The following ZBTB16 variants were observed in gnomAD, a reference collection of about 807,000 sequenced individuals.
The protein encoded by ZBTB16 is zinc finger and BTB domain containing 16.
Under a neutral mutation model 56.8 loss-of-function variants are expected in ZBTB16, and 8 were observed. The ratio of observed to expected loss-of-function variants is 0.14; its 90% CI spans 0.08 to 0.25. The LOEUF is 0.25. Ranked by LOEUF, ZBTB16 falls within the 10% of genes least tolerant of loss-of-function variation. The pLI is 1.00. For synonymous variants in ZBTB16, 363 were observed against 368.5 expected (o/e 0.98, Z 0.17); for missense variants, 625 against 903.0 (o/e 0.69, Z 3.95).
chr11:114,066,854 T>A (rs1565606123), intron 2 of ZBTB16, among the ~76,000 whole-genome samples: 1 of 147,366 alleles, frequency 6.8e-6, no homozygotes, highest in Non-Finnish European at 1.5e-5. Flanking sequence ...CACTGCAGTC[T>A]CCACCTCCCG....
At position 114,156,441 on chromosome 11, in the gene ZBTB16, A is replaced by G. The variant is rs373139030; in HGVS notation, c.1366+7A>G. 109 of 1,613,966 alleles carry G rather than the reference A, an allele frequency of 6.8e-5. No homozygotes were observed. Among genetic ancestry groups the G allele is most frequent in the Non-Finnish European group, 8.2e-5 (97 of 1,179,940 alleles). ...CACTTACTGGCTCATTCAGGTAGGC[A>G]AGTTCGCCTTAGTGGCCCGTTCAGA... On this transcript the variant is annotated splice_region_variant and intron_variant, in intron 3 of 6. Coordinates refer to ENST00000335953, the MANE Select transcript of ZBTB16 (RefSeq NM_006006.6).
intron 2 of ZBTB16, among the ~76,000 whole-genome samples, chr11:114,093,404 C>A (rs899547955): frequency 6.6e-6 from 1 of 152,082 alleles, no homozygotes; most frequent in Admixed American, 6.6e-5. Flanking sequence ...TTTTGTTCCC[C>A]GATTCCCCTC....
intron 3 of ZBTB16, among the ~76,000 whole-genome samples, chr11:114,165,789 G>T (rs1394011977): frequency 6.6e-6 from 1 of 152,154 alleles, no homozygotes; most frequent in Non-Finnish European, 1.5e-5. Context: ...ACTACTTAGT[G>T]GGGTGGCTCA....
At chr11:114,243,871 C>T (rs2135203151) in intron 5 of ZBTB16, among the ~76,000 whole-genome samples, 1 of 152,316 alleles carries the variant, frequency 6.6e-6, no homozygotes, top group East Asian at 1.9e-4. Flanking sequence ...GCCACCTTCT[C>T]AGAGCTCAGA....
intron 2 of ZBTB16, among the ~76,000 whole-genome samples, chr11:114,109,102 C>G (rs1940911689): frequency 6.6e-6 from 1 of 152,162 alleles, no homozygotes; most frequent in African/African-American, 2.4e-5. Flanking sequence ...GCTTTGGGGT[C>G]AGTCAGGTGG....
At chr11:114,154,613 G>C (rs575763760) in intron 2 of ZBTB16, among the ~76,000 whole-genome samples, 1 of 152,304 alleles carries the variant, frequency 6.6e-6, no homozygotes. Flanking sequence ...TCTATTTAGA[G>C]TTAAGAATGT....
intron 5 of ZBTB16, among the ~76,000 whole-genome samples, chr11:114,245,348 G>T (rs1944793400): frequency 6.6e-6 from 1 of 152,248 alleles, no homozygotes; most frequent in South Asian, 2.1e-4. Context: ...TGGTGTCAAG[G>T]CACGATGCCA....
chr11:114,075,470 T>C (rs1371243004), intron 2 of ZBTB16, among the ~76,000 whole-genome samples: 1 of 152,026 alleles, frequency 6.6e-6, no homozygotes, highest in African/African-American at 2.4e-5. Context: ...TTTTCTTTTT[T>C]TCTTGAGACA....
At chr11:114,186,715 G>A (rs185677854) in intron 3 of ZBTB16, among the ~76,000 whole-genome samples, 34 of 152,214 alleles carry the variant, frequency 2.2e-4, no homozygotes, top group African/African-American at 5.1e-4. Context: ...TATCTTGGTT[G>A]TTCTGATTTT....
chr11:114,185,633 C>T (rs1164697640), intron 3 of ZBTB16, among the ~76,000 whole-genome samples: 1 of 152,136 alleles, frequency 6.6e-6, no homozygotes, highest in African/African-American at 2.4e-5. Context: ...AACCACCTTG[C>T]GTCTTACAGT....
rs1316238297 is a variant in ZBTB16 at position 114,063,573 on chromosome 11, G to A, written c.273G>A (p.Thr91=). Residue 91 remains threonine (T), a synonymous_variant, in exon 2 of 7, where the codon ACG becomes ACA. Transcript: ENST00000335953. The surrounding 1 kb of genome is among the most constrained non-coding windows in gnomAD (Gnocchi z 6.5). ...QQILEYAYTA[T]LQAKAEDLDD... ...TTCTGGAGTATGCATATACAGCCAC[G>A]CTGCAAGCCAAGGCGGAGGACCTGG... 3 of 1,614,104 alleles carry A rather than the reference G, an allele frequency of 1.9e-6. No homozygotes were observed. Among genetic ancestry groups the A allele is most frequent in the East Asian group, 2.2e-5 (1 of 44,900 alleles).
chr11:114,093,338 G>C (rs1940260528), intron 2 of ZBTB16, among the ~76,000 whole-genome samples: 1 of 103,772 alleles, frequency 9.6e-6, no homozygotes, highest in South Asian at 3.0e-4. Context: ...CTGGGGGTGT[G>C]GAGGGGGGAT....
chr11:114,075,253 G>A (rs980157156), intron 2 of ZBTB16, among the ~76,000 whole-genome samples: 4 of 152,102 alleles, frequency 2.6e-5, no homozygotes, highest in Admixed American at 6.5e-5. Context: ...CTGTGTGACC[G>A]TGGCAAGATT....
At chr11:114,132,661 C>T (rs1011296997) in intron 2 of ZBTB16, among the ~76,000 whole-genome samples, 86 of 152,298 alleles carry the variant, frequency 5.6e-4, no homozygotes, top group African/African-American at 2.0e-3. Flanking sequence ...GATATTGTTC[C>T]ATTGTTAAGC....
chr11:114,157,162 G>C (rs1942437443), intron 3 of ZBTB16, among the ~76,000 whole-genome samples: 1 of 152,162 alleles, frequency 6.6e-6, no homozygotes, highest in African/African-American at 2.4e-5. Context: ...GAGGGCTGTT[G>C]TTTCATTTGG....
At chr11:114,100,829 C>A (rs950696728) in intron 2 of ZBTB16, among the ~76,000 whole-genome samples, 2 of 152,172 alleles carry the variant, frequency 1.3e-5, no homozygotes, top group African/African-American at 4.8e-5. Flanking sequence ...ATCCTCTCTT[C>A]TAAAGATCAG....
chr11:114,124,544 CA>C (rs1197111375), intron 2 of ZBTB16, among the ~76,000 whole-genome samples: 16 of 53,276 alleles, frequency 3.0e-4, no homozygotes, highest in East Asian at 1.1e-3. Flanking sequence ...AAAAACAAAA[CA>C]AAAAAAAAAA....
intron 4 of ZBTB16, among the ~76,000 whole-genome samples, chr11:114,225,578 C>A (rs1944312717): frequency 6.6e-6 from 1 of 152,162 alleles, no homozygotes; most frequent in African/African-American, 2.4e-5. Flanking sequence ...TCATTTTTTC[C>A]TAAGGAACCC....
At chr11:114,168,670 A>C (rs1360915755) in intron 3 of ZBTB16, among the ~76,000 whole-genome samples, 1 of 152,194 alleles carries the variant, frequency 6.6e-6, no homozygotes, top group East Asian at 1.9e-4. Context: ...CTATTATAGT[A>C]TAGCATGCTG....
Sources: allele counts gnomAD v4.1 joint callset (sites outside exome capture counted in the v4.1 genomes callset), GRCh38; gene constraint gnomAD v4.1.1; non-coding constraint Gnocchi (gnomAD v3.1); transcripts MANE v1.5; gene names NCBI Gene and HGNC (gene_info 2026-07-23, HGNC 2026-07-21).